Variants in RFC1 observed in about 807,000 individuals in gnomAD.
The protein encoded by RFC1 is A1 140 kDa subunit.
In RFC1, 37 loss-of-function variants were observed where a neutral mutation model predicts 137.4. The ratio of observed to expected loss-of-function variants is 0.27; its 90% confidence interval spans 0.21 to 0.35. The LOEUF (loss-of-function observed/expected upper bound fraction) is 0.35. Among genes scored for constraint, RFC1 ranks in the 10% least tolerant of loss-of-function variants. The pLI is 1.00. For missense variants in RFC1, 1,205 were observed against 1,358.5 expected (o/e 0.89, Z 1.78); for synonymous variants, 429 against 455.7 (o/e 0.94, Z 0.75).
Position 39,320,396 on chromosome 4 carries a change from G to T in RFC1, c.1082C>A (p.Pro361Gln). 6.5e-7 allele frequency: 1 copy of T among 1,541,326 alleles called. No individual in the cohort carries two copies. The highest frequency in any genetic ancestry group is 8.7e-7 in the Non-Finnish European group (1 of 1,153,478). The part of the protein sequence containing the change: ...TKTPKKTKSS[P>Q]AKKESVSPED... ...CAAAGTTCTTACCTCTTTTTTAGCT[G>T]GAGAACTTTTGGTTTTCTTAGGAGT... Residue 361 changes from proline to glutamine, a missense_variant, in exon 9 of 25, where the codon CCA becomes CAA. This residue lies in a region of RFC1 where 962 missense variants were observed against 1,035.3 expected (regional missense o/e 0.93). Transcript: ENST00000349703.
chr4:39,306,111 T>C (rs145072336), intron 14 of RFC1, among the ~76,000 whole-genome samples: 8 of 152,250 alleles, frequency 5.3e-5, no homozygotes, highest in Non-Finnish European at 1.0e-4. Context: ...ATAGAGACAA[T>C]AGGAACGAAG....
At chr4:39,323,197 G>A in intron 7 of RFC1, 143 bp downstream of exon 7, 2 of 490,934 alleles carry the variant, frequency 4.1e-6, no homozygotes, top group Non-Finnish European at 6.7e-6. Flanking sequence ...TTCTCAATGA[G>A]CTTCCCCAAA....
chr4:39,347,397 C>T (rs775882951), intron 2 of RFC1, among the ~76,000 whole-genome samples: 5 of 152,144 alleles, frequency 3.3e-5, no homozygotes, highest in Admixed American at 6.5e-5. Flanking sequence ...TTCTTCCTGC[C>T]GTTGGACTCC....
chr4:39,303,514 C>T (rs1738479712), intron 15 of RFC1, among the ~76,000 whole-genome samples: 1 of 151,946 alleles, frequency 6.6e-6, no homozygotes, highest in South Asian at 2.1e-4. Flanking sequence ...AGTGCAATGG[C>T]ACGATATTGG....
rs16995248 is a variant in RFC1 at position 39,340,391 on chromosome 4, C to G, written c.331+1954G>C. Among the ~76,000 whole-genome samples the G allele has an allele frequency of 3.2e-3, 480 of 152,248 alleles. 1 individual carries two copies. Among genetic ancestry groups the G allele is most frequent in the African/African-American group, 0.011 (445 of 41,544 alleles). ...ACAGTTTTAGATTAGAATTTTTAAA[C>G]TATTACACAAATATTGGGAACACTT... On this transcript the variant is annotated intron_variant, in intron 4 of 24. Transcript: ENST00000349703.
At chr4:39,346,025 T>A (rs1478232727) in intron 2 of RFC1, among the ~76,000 whole-genome samples, 1 of 152,190 alleles carries the variant, frequency 6.6e-6, no homozygotes, top group African/African-American at 2.4e-5. Context: ...AAACGCTATA[T>A]TATTATTCAG....
At position 39,320,688 on chromosome 4, in the gene RFC1, T is replaced by C. The variant is rs1739477344; in HGVS notation, c.809-19A>G. On this transcript the variant is annotated intron_variant, in intron 8 of 24. Transcript: ENST00000349703. ...GTTTTTACTAGGAAGAAAGAAAAGATTATGGTTGTTGTTTTTGGAAAATGA... is the reference window on the plus strand; with the variant it reads ...GTTTTTACTAGGAAGAAAGAAAAGACTATGGTTGTTGTTTTTGGAAAATGA... 6.5e-7 allele frequency: 1 copy of C among 1,549,186 alleles called. No individual in the cohort carries two copies. Among genetic ancestry groups the C allele is most frequent in the African/African-American group, 1.4e-5 (1 of 71,498 alleles).
At chr4:39,343,885 G>A (rs774498662) in intron 3 of RFC1, among the ~76,000 whole-genome samples, 8 of 152,140 alleles carry the variant, frequency 5.3e-5, no homozygotes, top group Admixed American at 2.6e-4. Flanking sequence ...GCCGAGGCAG[G>A]CAAAATCACC....
chr4:39,340,566 A>C (rs1406704047), intron 4 of RFC1, among the ~76,000 whole-genome samples: 4 of 152,212 alleles, frequency 2.6e-5, no homozygotes, highest in African/African-American at 9.6e-5. Flanking sequence ...TAATGAAAGC[A>C]TTACTTTAAC....
chr4:39,302,752 C>T lies in RFC1; in HGVS notation c.2325G>A (p.Arg775=). Residue 775 remains arginine, a synonymous_variant, in exon 17 of 25, where the codon CGG becomes CGA. Transcript: ENST00000349703. ...ATCATCATACCTTAATCTGTTCAAC[C>T]CGAGGTCTTTGAAAACGAAGATCAA... The part of the protein sequence containing the change: ...YCFDLRFQRP[R]VEQIKGAMMS... 1 of 1,593,860 alleles carries T rather than the reference C, an allele frequency of 6.3e-7. No individual in the cohort carries two copies. Among genetic ancestry groups the T allele is most frequent in the Non-Finnish European group, 8.5e-7 (1 of 1,173,880 alleles).
intron 3 of RFC1, 102 bp downstream of exon 3, chr4:39,345,299 G>T: frequency 2.1e-6 from 2 of 936,290 alleles, no homozygotes; most frequent in Non-Finnish European, 3.2e-6. Flanking sequence ...GCGATTACAG[G>T]CATGAGCCAC....
intron 22 of RFC1, among the ~76,000 whole-genome samples, chr4:39,294,780 ATTAC>A (rs1230457769): frequency 3.3e-5 from 5 of 152,262 alleles, no homozygotes; most frequent in African/African-American, 1.2e-4. Flanking sequence ...AGGCAGGCAG[ATTAC>A]TTGAGGACAG....
At position 39,320,500 on chromosome 4, in the gene RFC1, T is replaced by A; in HGVS notation, c.978A>T (p.Glu326Asp). The A allele has an allele frequency of 6.2e-7, 1 of 1,611,828 alleles. No individual in the cohort carries two copies. The highest frequency in any genetic ancestry group is 8.5e-7 in the Non-Finnish European group (1 of 1,179,494). Residue 326 changes from glutamate (E) to aspartate (D), a missense_variant, in exon 9 of 25, where the codon GAA (glutamate) becomes GAT (aspartate). Transcript: ENST00000349703. ...SSKLAIMKRK[E>D]ESSYKEIEPV... Reference sequence around the variant, plus strand: ...GCTCTATTTCTTTATAAGAGCTCTCTTCTTTTCTTTTCATAATTGCCAGCT... The same window carrying A: ...GCTCTATTTCTTTATAAGAGCTCTCATCTTTTCTTTTCATAATTGCCAGCT...
At chr4:39,346,977 T>C (rs114809704) in intron 2 of RFC1, among the ~76,000 whole-genome samples, 123 of 152,356 alleles carry the variant, frequency 8.1e-4, no homozygotes, top group African/African-American at 2.9e-3. Context: ...GGAGCTTGAG[T>C]ACAGCCAAGA....
chr4:39,311,607 T>C (rs1396638792), intron 11 of RFC1, 58 bp from the exon 12 acceptor site: 9 of 1,353,256 alleles, frequency 6.7e-6, no homozygotes, highest in South Asian at 1.4e-5. Flanking sequence ...CATTCCCTTC[T>C]CTTACAAAAA....
intron 19 of RFC1, among the ~76,000 whole-genome samples, chr4:39,302,041 A>G (rs538078755): frequency 2.6e-5 from 4 of 152,256 alleles, no homozygotes; most frequent in Non-Finnish European, 5.9e-5. Context: ...TTGTTGAAGC[A>G]TAAGTATAAT....
chr4:39,295,964 C>A, intron 21 of RFC1: 1 of 421,348 alleles, frequency 2.4e-6, no homozygotes, highest in South Asian at 5.9e-5. Flanking sequence ...CGGTACACAC[C>A]TTGATCCAAC....
At chr4:39,351,540 G>C (rs1004850365) in intron 1 of RFC1, 64 bp from the exon 2 acceptor site, 1 of 1,392,536 alleles carries the variant, frequency 7.2e-7, no homozygotes, top group Non-Finnish European at 9.5e-7. Context: ...AACTTCAATT[G>C]TAAGATGGGA....
chr4:39,310,137 T>C (rs982855391), intron 12 of RFC1, among the ~76,000 whole-genome samples: 44 of 152,162 alleles, frequency 2.9e-4, no homozygotes, highest in African/African-American at 9.2e-4. Context: ...AAAAAAGGCA[T>C]AACCTCAACC....
Sources: gnomAD v4.1 joint callset for allele counts (sites outside exome capture counted in the v4.1 genomes callset) on GRCh38, gnomAD v4.1.1 for gene constraint, gnomAD v4.1.1 regional missense constraint, MANE v1.5 for transcripts, NCBI Gene and HGNC (gene_info 2026-07-23, HGNC 2026-07-21) for gene names.